The following NEBL variants were observed in gnomAD, a reference collection of about 807,000 sequenced individuals.
The protein encoded by NEBL is LIM and SH3 protein 2.
In NEBL, 122 loss-of-function variants were observed where a neutral mutation model predicts 140.2. The ratio of observed to expected loss-of-function variants is 0.87; its 90% CI spans 0.75 to 1.01. The LOEUF is 1.01. Ranked by LOEUF, NEBL falls within the 50% of genes least tolerant of loss-of-function variation. NEBL has a pLI of 0.00. For synonymous variants in NEBL, 436 were observed against 398.9 expected, an observed-to-expected ratio of 1.09 and a Z score of -1.11; for missense variants, 1,365 against 1,231.3, an observed-to-expected ratio of 1.11 and a Z score of -1.62.
intron 2 of NEBL, among the ~76,000 whole-genome samples, chr10:21,125,225 TATAC>T (rs775801798): frequency 2.8e-4 from 40 of 141,392 alleles, no homozygotes; most frequent in African/African-American, 6.5e-4. Context: ...CACACATGCA[TATAC>T]ACACACACAC....
At chr10:21,095,404 T>C (rs1837139911) in intron 2 of NEBL, among the ~76,000 whole-genome samples, 1 of 152,200 alleles carries the variant, frequency 6.6e-6, no homozygotes, top group Admixed American at 6.5e-5. Flanking sequence ...CAACTACAGA[T>C]TCCCTTCGAT....
At chr10:20,847,886 A>G (rs1842100110) in intron 11 of NEBL, among the ~76,000 whole-genome samples, 1 of 152,218 alleles carries the variant, frequency 6.6e-6, no homozygotes, top group South Asian at 2.1e-4. Flanking sequence ...AATAACTCCA[A>G]GAACAGTTTT....
At chr10:20,956,853 C>T (rs529336047) in intron 4 of NEBL, among the ~76,000 whole-genome samples, 7 of 152,202 alleles carry the variant, frequency 4.6e-5, no homozygotes, top group Admixed American at 4.6e-4. Flanking sequence ...ACCTAATTGC[C>T]TCATACACGA....
intron 3 of NEBL, among the ~76,000 whole-genome samples, chr10:21,226,633 C>T (rs1842153653): frequency 6.6e-6 from 1 of 152,164 alleles, no homozygotes; most frequent in African/African-American, 2.4e-5. Context: ...GCCTATGTTG[C>T]TTTCTGCTGT....
At chr10:20,864,389 T>G (rs937134714) in intron 7 of NEBL, among the ~76,000 whole-genome samples, 27 of 152,274 alleles carry the variant, frequency 1.8e-4, no homozygotes, top group Non-Finnish European at 2.9e-4. Context: ...AAAGGGAAAG[T>G]TTACAACTAC....
intron 4 of NEBL, among the ~76,000 whole-genome samples, chr10:20,887,015 G>A (rs934147195): frequency 1.3e-5 from 2 of 152,170 alleles, no homozygotes; most frequent in African/African-American, 2.4e-5. Context: ...CTGCTCTCAC[G>A]TAGCTGAGAG....
chr10:21,122,717 G>T (rs1287545420), intron 2 of NEBL, among the ~76,000 whole-genome samples: 5 of 152,074 alleles, frequency 3.3e-5, no homozygotes, highest in African/African-American at 1.2e-4. Context: ...CAGTGTCTGG[G>T]TAGCGGATCC....
At chr10:21,004,475 C>T (rs1838036522) in intron 3 of NEBL, among the ~76,000 whole-genome samples, 1 of 152,112 alleles carries the variant, frequency 6.6e-6, no homozygotes, top group African/African-American at 2.4e-5. Flanking sequence ...AATCCCAGTA[C>T]TTTCGGAGGC....
chr10:20,910,828 G>GTTT lies in NEBL; in HGVS notation c.357+50841_357+50843dup, dbSNP rs5783756. ...TTTTTGTTTGGTGTTTTTCGTTTTT[G>GTTT]TTTTTTTTTTTTTGGCCAAAGGGGG... On this transcript the variant is annotated intron_variant, in intron 4 of 6. Transcript: ENST00000417816. Among the ~76,000 whole-genome samples the GTTT allele has an allele frequency of 2.1e-3, 311 of 146,610 alleles. 3 individuals are homozygous for GTTT. The highest frequency in any genetic ancestry group is 7.3e-3 in the African/African-American group (293 of 39,958).
At chr10:21,112,429 G>A (rs12221281) in intron 2 of NEBL, among the ~76,000 whole-genome samples, 1 of 152,100 alleles carries the variant, frequency 6.6e-6, no homozygotes, top group Non-Finnish European at 1.5e-5. Flanking sequence ...TTGAGTTCAT[G>A]TCCTTTGCAG....
chr10:20,899,431 C>T (rs1473146615), upstream of NEBL: 5 of 1,302,240 alleles, frequency 3.8e-6, no homozygotes, highest in Non-Finnish European at 5.1e-6. Context: ...GTAATATGTT[C>T]TTAGGGACTC....
Position 20,852,651 on chromosome 10 carries a change from T to A in NEBL, c.904-2A>T. 6.3e-7 allele frequency: 1 copy of A among 1,597,700 alleles called. No individual in the cohort carries two copies. ...CTCAAAGAGCTTTTTATATTCTCGC[T>A]AAAATACAGAATGGGGAAATCAACT... On this transcript the variant is annotated splice_acceptor_variant, in intron 9 of 27. Transcript: ENST00000377122. LOFTEE classifies it high-confidence loss of function.
chr10:21,048,699 G>A (rs1159491853), intron 2 of NEBL, among the ~76,000 whole-genome samples: 3 of 151,996 alleles, frequency 2.0e-5, no homozygotes, highest in Non-Finnish European at 4.4e-5. Flanking sequence ...TTGCAAATTC[G>A]AGTCTAAAGG....
intron 3 of NEBL, among the ~76,000 whole-genome samples, chr10:21,238,418 G>A (rs1842389352): frequency 6.6e-6 from 1 of 152,112 alleles, no homozygotes; most frequent in Non-Finnish European, 1.5e-5. Context: ...AAGAAAGTTG[G>A]GCCGGGCCCG....
chr10:20,797,115 C>T (rs1456009718), intron 26 of NEBL, among the ~76,000 whole-genome samples: 1 of 152,158 alleles, frequency 6.6e-6, no homozygotes, highest in Non-Finnish European at 1.5e-5. Flanking sequence ...CTTGTAGATG[C>T]AAATTATGCC....
chr10:20,992,763 G>GTTT (rs1393016825), intron 3 of NEBL, among the ~76,000 whole-genome samples: 6 of 107,836 alleles, frequency 5.6e-5, no homozygotes, highest in African/African-American at 1.2e-4. Flanking sequence ...CAACTACAAA[G>GTTT]TCTTTTTTTT....
chr10:21,213,408 G>T (rs1423810851), intron 3 of NEBL, among the ~76,000 whole-genome samples: 1 of 152,200 alleles, frequency 6.6e-6, no homozygotes, highest in Non-Finnish European at 1.5e-5. Flanking sequence ...GAAAACCGGA[G>T]AGGAGCGGAG....
intron 26 of NEBL, among the ~76,000 whole-genome samples, chr10:20,788,335 C>T (rs1292937622): frequency 1.3e-5 from 2 of 151,964 alleles, no homozygotes; most frequent in African/African-American, 2.4e-5. Flanking sequence ...TTTGTTTAAT[C>T]AGGTTGAGTA....
chr10:21,058,395 CA>C (rs760275670), intron 2 of NEBL, among the ~76,000 whole-genome samples: 7 of 151,788 alleles, frequency 4.6e-5, no homozygotes, highest in Non-Finnish European at 8.8e-5. Context: ...TTAAATTAAG[CA>C]AACAAAAAAA....
Sources: gnomAD v4.1 joint callset for allele counts (sites outside exome capture counted in the v4.1 genomes callset) on GRCh38, gnomAD v4.1.1 for gene constraint, MANE v1.5 for transcripts, NCBI Gene and HGNC (gene_info 2026-07-23, HGNC 2026-07-21) for gene names.